Variants in COL1A2 observed in about 807,000 individuals in gnomAD.
COL1A2 encodes collagen type I alpha 2 chain, also known as collagen alpha-2(I) chain.
A neutral mutation model predicts 174.3 loss-of-function variants in COL1A2; 49 were observed. The observed-to-expected ratio is 0.28, with a 90% CI of 0.22 to 0.36. The LOEUF is 0.36. Ranked by LOEUF, COL1A2 falls within the 10% of genes least tolerant of loss-of-function variation. The pLI is 1.00. For synonymous variants in COL1A2, 655 were observed against 606.6 expected, an observed-to-expected ratio of 1.08 and a Z score of -1.17; for missense variants, 1,438 against 1,822.7, an observed-to-expected ratio of 0.79 and a Z score of 3.84.
rs373903050 is a variant in COL1A2 at position 94,425,982 on chromosome 7, C to T, written c.2944-16C>T. ...TTGGGCCTAGCTAAGTTGTGTTTTTCTTTTTCATTTCACAGGGTCCTTCTG... is the reference window on the plus strand; with the variant it reads ...TTGGGCCTAGCTAAGTTGTGTTTTTTTTTTTCATTTCACAGGGTCCTTCTG... On this transcript the variant is annotated splice_polypyrimidine_tract_variant and intron_variant, in intron 44 of 51. Transcript: ENST00000297268. 2 of 1,613,974 alleles carry T rather than the reference C, an allele frequency of 1.2e-6. No homozygotes were observed. The highest frequency in any genetic ancestry group is 1.7e-6 in the Non-Finnish European group (2 of 1,179,954).
chr7:94,427,134 G>A, intron 47 of COL1A2, 54 bp from the exon 48 acceptor site: 1 of 1,610,300 alleles, frequency 6.2e-7, no homozygotes, highest in African/African-American at 1.3e-5. Flanking sequence ...CCAGGCTGCT[G>A]CTCCCTTGGT....
chr7:94,404,057 C>A (rs1457262616), intron 6 of COL1A2, among the ~76,000 whole-genome samples: 1 of 152,114 alleles, frequency 6.6e-6, no homozygotes, highest in Non-Finnish European at 1.5e-5. Context: ...CTTAGAGGAG[C>A]GATAAGGTTA....
intron 12 of COL1A2, among the ~76,000 whole-genome samples, chr7:94,406,655 A>G (rs1791805180): frequency 1.3e-5 from 2 of 152,296 alleles, no homozygotes; most frequent in East Asian, 1.9e-4. Context: ...ATTATTTTAA[A>G]CTGTAAATTC....
At position 94,412,085 on chromosome 7, in the gene COL1A2, T is replaced by A. The variant is rs748642755; in HGVS notation, c.1368T>A (p.Pro456=). Residue 456 remains proline, a synonymous_variant, in exon 24 of 52, where the codon CCT becomes CCA. Coordinates refer to ENST00000297268, the MANE Select transcript of COL1A2 (RefSeq NM_000089.4). ...TTTTATAGGGTCTTCCTGGTTCCCC[T>A]GGAAATATCGGCCCCGCTGGAAAAG... is the stretch of plus-strand genomic sequence containing the variant. The part of the protein sequence containing the change: ...LMGPRGLPGS[P]GNIGPAGKEG... 1 of 1,612,618 alleles carries A rather than the reference T, an allele frequency of 6.2e-7. No homozygotes were observed. Among genetic ancestry groups the A allele is most frequent in the Admixed American group, 1.7e-5 (1 of 59,940 alleles).
In COL1A2 at chr7:94,428,212, A is replaced by T; in HGVS notation, c.3527-81A>T. 1.7e-6 allele frequency: 2 copies of T among 1,176,620 alleles called. 1 individual carries two copies. Among genetic ancestry groups the T allele is most frequent in the Middle Eastern group, 3.9e-4 (2 of 5,136 alleles). The allele number at this position is 1,176,620 out of a possible 1,614,324, so 72.9% of individuals were successfully genotyped here. ...ATCAAAAATGTTACTTATGAGAGTC[A>T]GTATCTTTCATTAGTTATTATTAGA... On this transcript the variant is annotated intron_variant, in intron 49 of 51. Coordinates refer to ENST00000297268, the MANE Select transcript of COL1A2 (RefSeq NM_000089.4).
chr7:94,407,895 A>G lies in COL1A2; in HGVS notation c.639+4A>G. Reference sequence around the variant, plus strand: ...AAATGGAACTCCAGGTCAAACAGTAAGTATTGACTACTTCATTGTAAATTT... The same window carrying G: ...AAATGGAACTCCAGGTCAAACAGTAGGTATTGACTACTTCATTGTAAATTT... On this transcript the variant is annotated splice_donor_region_variant and intron_variant, in intron 13 of 51. Coordinates refer to ENST00000297268, the MANE Select transcript of COL1A2 (RefSeq NM_000089.4). The G allele has an allele frequency of 1.2e-6, 2 of 1,611,728 alleles. No homozygotes were observed. Among genetic ancestry groups the G allele is most frequent in the Non-Finnish European group, 1.7e-6 (2 of 1,178,040 alleles).
intron 33 of COL1A2, among the ~76,000 whole-genome samples, chr7:94,419,272 C>CTTG (rs1792102920): frequency 6.6e-6 from 1 of 151,538 alleles, no homozygotes; most frequent in Admixed American, 6.6e-5. Flanking sequence ...CTGCTATTGA[C>CTTG]TTACACATTT....
In COL1A2 at chr7:94,428,379, C is replaced by T. The variant is rs150124840; in HGVS notation, c.3613C>T (p.Arg1205Trp). 1.4e-4 allele frequency: 230 copies of T among 1,614,010 alleles called. 1 individual carries two copies. In the African/African-American group the frequency reaches 2.1e-3, roughly 14 times the overall value. ...TTTCTCTACTGGCGAAACCTGTATC[C>T]GGGCCCAACCTGAAAACATCCCAGC... ...CDFSTGETCI[R>W]AQPENIPAKN... is the part of the protein sequence containing the mutation. Residue 1205 changes from arginine to tryptophan, a missense_variant, in exon 50 of 52, where the codon CGG (arginine) becomes TGG (tryptophan). Arg to Trp is a moderately radical substitution (Grantham distance 101). This residue lies in a region of COL1A2 where 290 missense variants were observed against 298.1 expected (regional missense o/e 0.97). Coordinates refer to ENST00000297268, the MANE Select transcript of COL1A2 (RefSeq NM_000089.4).
At chr7:94,404,776 GT>G in intron 8 of COL1A2, 30 bp downstream of exon 8, 1 of 1,614,048 alleles carries the variant, frequency 6.2e-7, no homozygotes, top group Non-Finnish European at 8.5e-7. Flanking sequence ...TTTGTGATAA[GT>G]TTTTTTCCAG....
At chr7:94,404,801 A>G in intron 8 of COL1A2, 38 bp from the exon 9 acceptor site, 1 of 1,614,122 alleles carries the variant, frequency 6.2e-7, no homozygotes, top group Non-Finnish European at 8.5e-7. Context: ...GTTTATGAAT[A>G]TAACCTTAGT....
Position 94,395,095 on chromosome 7 carries a change from T to C in COL1A2, c.64T>C (p.Cys22Arg). Residue 22 changes from cysteine (C) to arginine (R), a missense_variant, in exon 1 of 52, where the codon TGC (cysteine) becomes CGC (arginine). By Grantham distance (180) the Cys-to-Arg change is radical (BLOSUM62 -3). Coordinates refer to ENST00000297268, the MANE Select transcript of COL1A2 (RefSeq NM_000089.4). ...TGCAGTAACCTTATGCCTAGCAACATGCCAATGTAAGTGCCTTCAGCTTGT... is the reference window on the plus strand; with the variant it reads ...TGCAGTAACCTTATGCCTAGCAACACGCCAATGTAAGTGCCTTCAGCTTGT... The part of the protein sequence containing the change: ...LLAVTLCLAT[C>R]QSLQEETVRK... 6.2e-7 allele frequency: 1 copy of C among 1,613,864 alleles called. No individual in the cohort carries two copies. The highest frequency in any genetic ancestry group is 8.5e-7 in the Non-Finnish European group (1 of 1,179,874).
chr7:94,424,484 A>G (rs923435331), intron 41 of COL1A2, 41 bp downstream of exon 41: 9 of 1,556,184 alleles, frequency 5.8e-6, no homozygotes, highest in Non-Finnish European at 8.0e-6. Flanking sequence ...AACATAAGAA[A>G]AGATTTTAAA....
At chr7:94,406,561 C>G (rs974921055) in intron 12 of COL1A2, among the ~76,000 whole-genome samples, 3 of 151,888 alleles carry the variant, frequency 2.0e-5, no homozygotes, top group East Asian at 1.9e-4. Context: ...GTTCCATTTC[C>G]TTTCCTCCCT....
chr7:94,414,346 G>A, intron 29 of COL1A2, 71 bp downstream of exon 29: 2 of 1,282,672 alleles, frequency 1.6e-6, no homozygotes, highest in Admixed American at 1.7e-5. Context: ...ATACCCCACT[G>A]CTATGCAATT....
intron 42 of COL1A2, 85 bp downstream of exon 42, chr7:94,425,309 T>C (rs1204185870): frequency 7.8e-7 from 1 of 1,286,476 alleles, no homozygotes; most frequent in Non-Finnish European, 1.1e-6. Context: ...GGTTCTCTTC[T>C]TCCAAATTTC....
At chr7:94,400,420 G>T (rs953323763) in intron 5 of COL1A2, 132 bp downstream of exon 5, 21 of 872,426 alleles carry the variant, frequency 2.4e-5, no homozygotes, top group Middle Eastern at 3.3e-4. Context: ...CATTTATTTG[G>T]TTTTTTCACT....
In COL1A2 at chr7:94,409,403, G is replaced by A. The variant is rs906553840; in HGVS notation, c.874G>A (p.Gly292Ser). Reference sequence around the variant, plus strand: ...TGAAGTGGGTCTTCCAGGCCTCTCCGGCCCCGTTGGACCTCCTGTAAGTAG... The same window carrying A: ...TGAAGTGGGTCTTCCAGGCCTCTCCAGCCCCGTTGGACCTCCTGTAAGTAG... ...RGEVGLPGLS[G>S]PVGPPGNPGA... The change falls in exon 17 of 52, where the codon GGC (glycine) becomes AGC (serine). Residue 292 changes from glycine (G) to serine (S), a missense_variant. By Grantham distance (56) the Gly-to-Ser change is moderately conservative (BLOSUM62 0). Around this residue, in one of 3 missense-constraint regions of COL1A2, gnomAD observed 867 missense variants for 1,213.7 expected, o/e 0.71. Coordinates refer to ENST00000297268, the MANE Select transcript of COL1A2 (RefSeq NM_000089.4). 6.2e-6 allele frequency: 10 copies of A among 1,614,126 alleles called. No homozygotes were observed. Among genetic ancestry groups the A allele is most frequent in the Non-Finnish European group, 6.8e-6 (8 of 1,180,014 alleles).
At chr7:94,421,537 C>T (rs1792164144) in intron 38 of COL1A2, 2 of 385,022 alleles carry the variant, frequency 5.2e-6, no homozygotes, top group Admixed American at 3.9e-5. Flanking sequence ...TTCCTTACCA[C>T]TCAGCCAGGT....
intron 22 of COL1A2, 29 bp downstream of exon 22, chr7:94,410,971 A>T: frequency 6.2e-7 from 1 of 1,612,882 alleles, no homozygotes; most frequent in Non-Finnish European, 8.5e-7. Context: ...ACTTCCTAGA[A>T]AGGGGCTTGC....
Sources: allele counts gnomAD v4.1 joint callset (sites outside exome capture counted in the v4.1 genomes callset), GRCh38; gene constraint gnomAD v4.1.1; regional missense constraint gnomAD v4.1.1; transcripts MANE v1.5; gene names NCBI Gene and HGNC (gene_info 2026-07-23, HGNC 2026-07-21).